GTF2I: variants seen among roughly 807,000 people sequenced by gnomAD.
The protein encoded by GTF2I is general transcription factor IIi.
Under a neutral mutation model 67.6 loss-of-function variants are expected in GTF2I, and 12 were observed. The ratio of observed to expected loss-of-function variants is 0.18; its 90% CI spans 0.11 to 0.29. GTF2I has a LOEUF of 0.29. Among genes scored for constraint, GTF2I ranks in the 10% least tolerant of loss-of-function variants. The pLI, the probability that GTF2I is intolerant of heterozygous loss-of-function variation, is 1.00. For synonymous variants in GTF2I, 149 were observed against 197.0 expected, an observed-to-expected ratio of 0.76 and a Z score of 2.04; for missense variants, 271 against 580.1, an observed-to-expected ratio of 0.47 and a Z score of 5.47.
intron 1 of GTF2I, among the ~76,000 whole-genome samples, 165 bp downstream of exon 1, chr7:74,658,233 C>T (rs1377458797): frequency 1.3e-5 from 2 of 149,270 alleles, no homozygotes; most frequent in Non-Finnish European, 3.0e-5. Flanking sequence ...GCGCCCGTGC[C>T]GCCTCCCCCT....
chr7:74,732,723 T>C, intron 15 of GTF2I, 61 bp downstream of exon 15: 2 of 1,536,600 alleles, frequency 1.3e-6, no homozygotes, highest in Non-Finnish European at 1.7e-6. Context: ...GTCTTTTTTA[T>C]TGTTGACCAA....
intron 1 of GTF2I, among the ~76,000 whole-genome samples, chr7:74,678,712 G>A (rs587734984): frequency 3.9e-5 from 6 of 152,220 alleles, no homozygotes; most frequent in Admixed American, 2.0e-4. Context: ...ACAGTACCTG[G>A]AAGCAGTGTT....
chr7:74,731,598 G>T (rs1794486166), intron 14 of GTF2I, among the ~76,000 whole-genome samples: 1 of 150,630 alleles, frequency 6.6e-6, no homozygotes, highest in Non-Finnish European at 1.5e-5. Flanking sequence ...TGCCTAGTCT[G>T]GAGTGGCACG....
chr7:74,680,076 T>C, intron 1 of GTF2I, among the ~76,000 whole-genome samples: 1 of 21,816 alleles, frequency 4.6e-5, no homozygotes. Flanking sequence ...CCAGAGTCCA[T>C]CTCAAAAAAA....
At chr7:74,678,773 A>G (rs587624852) in intron 1 of GTF2I, among the ~76,000 whole-genome samples, 55 of 151,942 alleles carry the variant, frequency 3.6e-4, no homozygotes, top group South Asian at 3.3e-3. Context: ...TAACCTACTC[A>G]TATATATATA....
intron 3 of GTF2I, among the ~76,000 whole-genome samples, chr7:74,694,886 A>G (rs1019748342): frequency 6.6e-6 from 1 of 152,182 alleles, no homozygotes; most frequent in East Asian, 1.9e-4. Flanking sequence ...TTCATTTACC[A>G]TTCTGAAAAT....
chr7:74,677,043 A>C (rs1026642428), intron 1 of GTF2I, among the ~76,000 whole-genome samples: 38 of 152,142 alleles, frequency 2.5e-4, no homozygotes, highest in African/African-American at 8.9e-4. Context: ...TGGGCGACAG[A>C]GTGAGACTCT....
intron 12 of GTF2I, chr7:74,726,327 C>G (rs1328524016): frequency 6.6e-6 from 1 of 152,132 alleles, no homozygotes; most frequent in African/African-American, 2.4e-5. Flanking sequence ...TAAAAATACT[C>G]TTAAGGTTTC....
chr7:74,706,213 C>T (rs587722978), intron 7 of GTF2I, among the ~76,000 whole-genome samples, 177 bp from the exon 8 acceptor site: 13 of 152,342 alleles, frequency 8.5e-5, no homozygotes, highest in Admixed American at 2.6e-4. Context: ...CCACTGTGCC[C>T]GGCCCAATAA....
intron 12 of GTF2I, chr7:74,726,834 CAGAT>C (rs57656763): frequency 0.17 from 23,469 of 137,266 alleles, 2,242 homozygotes; most frequent in African/African-American, 0.26. Flanking sequence ...ACCCTCCCGA[CAGAT>C]AGATAGATAG....
Position 74,699,103 on chromosome 7 carries a change from C to T in GTF2I, c.373+8C>T, listed in dbSNP as rs782128213. 6.9e-7 allele frequency: 1 copy of T among 1,447,208 alleles called. No homozygotes were observed. The highest frequency in any genetic ancestry group is 1.5e-5 in the South Asian group (1 of 66,998). The allele number at this position is 1,447,208 out of a possible 1,614,324, so 89.6% of individuals were successfully genotyped here. ...ATTTCTGCTTTTGCTATGGTAAAAACAATAGATTTAATTTTTCTAAAAGAT... is the reference window on the plus strand; with the variant it reads ...ATTTCTGCTTTTGCTATGGTAAAAATAATAGATTTAATTTTTCTAAAAGAT... On this transcript the variant is annotated splice_region_variant and intron_variant, in intron 4 of 34. Transcript: ENST00000573035.
At chr7:74,704,268 TTTTA>T (rs55926323) in intron 6 of GTF2I, among the ~76,000 whole-genome samples, 27 of 144,342 alleles carry the variant, frequency 1.9e-4, no homozygotes, top group East Asian at 8.0e-4. Context: ...TAATTATTAT[TTTTA>T]TTTATTTATT....
chr7:74,662,856 A>G (rs1411079031), intron 1 of GTF2I, among the ~76,000 whole-genome samples: 1 of 152,054 alleles, frequency 6.6e-6, no homozygotes, highest in African/African-American at 2.4e-5. Flanking sequence ...CGGGGAAAAT[A>G]ACCGCAGATA....
chr7:74,721,162 C>T (rs1554404546), intron 12 of GTF2I, among the ~76,000 whole-genome samples: 1 of 152,228 alleles, frequency 6.6e-6, no homozygotes, highest in Non-Finnish European at 1.5e-5. Flanking sequence ...CTGCCTCAGC[C>T]TCCTGAGTAG....
At chr7:74,720,237 A>G (rs587635082) in intron 12 of GTF2I, among the ~76,000 whole-genome samples, 2 of 152,276 alleles carry the variant, frequency 1.3e-5, no homozygotes, top group East Asian at 3.9e-4. Context: ...ACATCTTGGT[A>G]CTTTATTAGT....
At chr7:74,720,303 C>T (rs1792787904) in intron 12 of GTF2I, among the ~76,000 whole-genome samples, 1 of 152,082 alleles carries the variant, frequency 6.6e-6, no homozygotes, top group Non-Finnish European at 1.5e-5. Context: ...CTCTCTTTCT[C>T]TCTTAATAAC....
chr7:74,726,285 G>A (rs1250470094), intron 12 of GTF2I, among the ~76,000 whole-genome samples: 1 of 152,180 alleles, frequency 6.6e-6, no homozygotes, highest in African/African-American at 2.4e-5. Flanking sequence ...GGTGAAATGA[G>A]TGTATTTTGT....
intron 6 of GTF2I, among the ~76,000 whole-genome samples, chr7:74,704,860 A>ATT (rs1790401873): frequency 1.2e-4 from 15 of 123,546 alleles, no homozygotes; most frequent in African/African-American, 3.0e-4. Context: ...GTTTCTAAAA[A>ATT]AAAAAAAAAA....
At chr7:74,690,582 C>G (rs1028069482) in intron 2 of GTF2I, among the ~76,000 whole-genome samples, 12 of 152,066 alleles carry the variant, frequency 7.9e-5, no homozygotes, top group African/African-American at 2.7e-4. Context: ...CATGGCTGTT[C>G]GAGCCACCTT....
Sources: allele counts gnomAD v4.1 joint callset (sites outside exome capture counted in the v4.1 genomes callset), GRCh38; gene constraint gnomAD v4.1.1; transcripts MANE v1.5; gene names NCBI Gene and HGNC (gene_info 2026-07-23, HGNC 2026-07-21).